Variants in RSPH14 observed in about 807,000 individuals in gnomAD.
RSPH14 encodes rhabdoid tumor deletion region gene 1.
A neutral mutation model predicts 26.7 loss-of-function variants in RSPH14; 20 were observed. The ratio of observed to expected loss-of-function variants is 0.75; its 90% CI spans 0.53 to 1.09. The LOEUF (loss-of-function observed/expected upper bound fraction) is 1.09. RSPH14 is among the 50% of genes least tolerant of loss of function. RSPH14 has a pLI of 0.00. For missense variants in RSPH14, 449 were observed against 457.2 expected (o/e 0.98, Z 0.16); for synonymous variants, 177 against 189.3 (o/e 0.93, Z 0.53).
At chr22:23,172,688 A>C in the RSPH14 span, among the ~76,000 whole-genome samples, 13 of 135,668 alleles carry the variant, frequency 9.6e-5, no homozygotes, top group African/African-American at 3.1e-4. Context: ...GGTGGCTCAC[A>C]CCTTTAATCC....
chr22:23,138,946 GAAAA>G lies in RSPH14; in HGVS notation c.200-8_200-5del. The G allele has an allele frequency of 2.6e-5, 36 of 1,379,862 alleles. No homozygotes were observed. The highest frequency in any genetic ancestry group is 4.1e-5 in the South Asian group (3 of 72,624). 85.5% of individuals were successfully genotyped at this position (1,379,862 alleles called of 1,614,324 possible). ...GCTTTCAGGTTCTCCATACAGCCTA[GAAAA>G]AAAAAAAAAAACAAACAAACCAACC... is the stretch of plus-strand genomic sequence containing the variant. On this transcript the variant is annotated splice_region_variant and splice_polypyrimidine_tract_variant and intron_variant, in intron 2 of 6. Coordinates refer to ENST00000216036, the MANE Select transcript of RSPH14 (RefSeq NM_014433.3).
intron 3 of RSPH14, chr22:23,136,405 G>A (rs2070485856): frequency 1.7e-6 from 1 of 593,584 alleles, no homozygotes; most frequent in African/African-American, 2.0e-5. Flanking sequence ...GAAAGCTATT[G>A]ACATTGGTTA....
chr22:23,145,281 G>C, upstream of RSPH14: 1 of 700,432 alleles, frequency 1.4e-6, no homozygotes, highest in Admixed American at 2.2e-5. Flanking sequence ...CGCCCTTGTT[G>C]TCATGGTGAT....
intron 2 of RSPH14, 150 bp downstream of exon 2, chr22:23,140,072 T>C (rs1170358262): frequency 1.1e-6 from 1 of 929,176 alleles, no homozygotes; most frequent in East Asian, 2.7e-5. Flanking sequence ...AAATAAACAT[T>C]TTTTAAAAAG....
the RSPH14 span, chr22:23,152,442 A>G: frequency 1.9e-6 from 3 of 1,613,922 alleles, no homozygotes; most frequent in African/African-American, 2.7e-5. Flanking sequence ...CGACGGCAAC[A>G]CGGCCATATT....
At chr22:23,146,633 C>T, upstream of RSPH14, 1 of 1,614,146 alleles carries the variant, frequency 6.2e-7, no homozygotes, top group South Asian at 1.1e-5. Flanking sequence ...TCCTCCCTGA[C>T]ACCTTTGGGG....
upstream of RSPH14, among the ~76,000 whole-genome samples, chr22:23,143,337 A>T (rs1339667097): frequency 6.8e-6 from 1 of 147,688 alleles, no homozygotes; most frequent in Non-Finnish European, 1.5e-5. Flanking sequence ...ATAAATAGAT[A>T]TAATTTTAAA....
At chr22:23,112,668 G>C (rs2069687430) in intron 4 of RSPH14, among the ~76,000 whole-genome samples, 1 of 152,236 alleles carries the variant, frequency 6.6e-6, no homozygotes, top group Non-Finnish European at 1.5e-5. Flanking sequence ...AACACCAGCG[G>C]GGTGGGAATG....
At chr22:23,135,287 C>A (rs1987043) in intron 3 of RSPH14, among the ~76,000 whole-genome samples, 2 of 135,544 alleles carry the variant, frequency 1.5e-5, no homozygotes, top group East Asian at 2.1e-4. Flanking sequence ...TCCTGGCTAA[C>A]ACAGTGAAAC....
At position 23,063,921 on chromosome 22, in the gene RSPH14, G is replaced by T. The variant is rs149201608; in HGVS notation, c.634C>A (p.Arg212Ser). Reference protein sequence around the residue: ...ANQNIRSKAARALLNVSISRE... With the variant: ...ANQNIRSKAASALLNVSISRE... ...CCTCACCTGACATTAAGGAGCGCAC[G>T]GGCGGCCTTGCTGCGGATGTTCTGG... The change falls in exon 5 of 7, where the codon CGT becomes AGT. Residue 212 changes from arginine (R) to serine (S), a missense_variant. Physicochemically the swap from Arg to Ser is moderately radical, Grantham distance 110. Coordinates refer to ENST00000216036, the MANE Select transcript of RSPH14 (RefSeq NM_014433.3). The T allele has an allele frequency of 6.8e-6, 11 of 1,614,124 alleles. No individual in the cohort carries two copies. The Admixed American group carries it at 1.2e-4, about 17-fold the overall frequency.
chr22:23,145,058 G>C, upstream of RSPH14: 1 of 439,872 alleles, frequency 2.3e-6, no homozygotes, highest in Non-Finnish European at 4.2e-6. Context: ...GTCAGTAGAT[G>C]GTAGGCAGGT....
intron 1 of RSPH14, 53 bp from the exon 2 acceptor site, chr22:23,140,525 T>G: frequency 6.7e-7 from 1 of 1,492,128 alleles, no homozygotes; most frequent in South Asian, 1.3e-5. Context: ...AAAAGCTACT[T>G]CTCATCTGAT....
At chr22:23,101,160 G>A (rs1265175719) in intron 4 of RSPH14, among the ~76,000 whole-genome samples, 1 of 152,096 alleles carries the variant, frequency 6.6e-6, no homozygotes, top group African/African-American at 2.4e-5. Context: ...GATTGAGAAG[G>A]GACCTTATAT....
the RSPH14 span, chr22:23,161,646 C>A: frequency 8.1e-7 from 1 of 1,236,588 alleles, no homozygotes; most frequent in South Asian, 1.4e-5. Flanking sequence ...GACTGGAGCC[C>A]AAGCTCTGCA....
At chr22:23,080,767 G>A (rs376703474) in intron 4 of RSPH14, among the ~76,000 whole-genome samples, 1 of 152,236 alleles carries the variant, frequency 6.6e-6, no homozygotes, top group East Asian at 1.9e-4. Context: ...CACTGCAAAA[G>A]CTATTGTGAT....
chr22:23,076,900 G>A (rs2068519906), intron 4 of RSPH14, among the ~76,000 whole-genome samples: 1 of 152,238 alleles, frequency 6.6e-6, no homozygotes, highest in African/African-American at 2.4e-5. Flanking sequence ...AGCTCTGCCT[G>A]TGATGGTGAC....
intron 4 of RSPH14, among the ~76,000 whole-genome samples, chr22:23,130,121 AAG>A (rs1343691281): frequency 4.4e-5 from 5 of 112,384 alleles, no homozygotes; most frequent in Admixed American, 1.0e-4. Context: ...GAAAGAAAGA[AAG>A]AAAGAAAGAA....
the RSPH14 span, chr22:23,153,246 C>A: frequency 1.2e-6 from 1 of 822,008 alleles, no homozygotes; most frequent in Non-Finnish European, 2.0e-6. Context: ...TCTAGACAAG[C>A]AGAGCCTGGG....
chr22:23,130,084 G>A (rs6003519), intron 4 of RSPH14, among the ~76,000 whole-genome samples: 1,436 of 51,662 alleles, frequency 0.028, 125 homozygotes, highest in African/African-American at 0.061. Flanking sequence ...AGAAAGAAAG[G>A]AAGAAAGAAA....
Sources: allele counts gnomAD v4.1 joint callset (sites outside exome capture counted in the v4.1 genomes callset), GRCh38; gene constraint gnomAD v4.1.1; transcripts MANE v1.5; gene names NCBI Gene and HGNC (gene_info 2026-07-23, HGNC 2026-07-21).